CLEC16A: variants seen among roughly 807,000 people sequenced by gnomAD.
CLEC16A encodes C-type lectin domain containing 16A, also known as protein CLEC16A.
Under a neutral mutation model 109.5 loss-of-function variants are expected in CLEC16A, and 51 were observed. The ratio of observed to expected loss-of-function variants is 0.47; its 90% CI spans 0.37 to 0.59. The LOEUF (loss-of-function observed/expected upper bound fraction) is 0.59. Ranked by LOEUF, CLEC16A falls within the 20% of genes least tolerant of loss-of-function variation. The probability of loss-of-function intolerance (pLI) is 0.00; values close to 1 mark genes in which losing one functional copy is unlikely to be tolerated. For missense variants in CLEC16A, 1,339 were observed against 1,394.0 expected, an observed-to-expected ratio of 0.96 and a Z score of 0.63; for synonymous variants, 673 against 564.2, an observed-to-expected ratio of 1.19 and a Z score of -2.73.
At chr16:11,008,630 C>G (rs1408274060) in intron 11 of CLEC16A, among the ~76,000 whole-genome samples, 1 of 151,498 alleles carries the variant, frequency 6.6e-6, no homozygotes, top group Non-Finnish European at 1.5e-5. Flanking sequence ...TTTTTTTAAA[C>G]TTATGGTAAA....
At chr16:11,053,429 G>A (rs775307849) in intron 18 of CLEC16A, among the ~76,000 whole-genome samples, 137 of 151,376 alleles carry the variant, frequency 9.1e-4, no homozygotes, top group Non-Finnish European at 1.0e-3. Flanking sequence ...GTGCAGTGGT[G>A]CCATCTTGGC....
At chr16:11,026,065 A>G (rs774359351) in intron 13 of CLEC16A, among the ~76,000 whole-genome samples, 2 of 152,180 alleles carry the variant, frequency 1.3e-5, no homozygotes, top group Non-Finnish European at 2.9e-5. Context: ...TTTTTTATCA[A>G]TGTGTGAGCA....
At chr16:11,102,233 C>T (rs1420081595) in intron 19 of CLEC16A, among the ~76,000 whole-genome samples, 1 of 152,232 alleles carries the variant, frequency 6.6e-6, no homozygotes, top group African/African-American at 2.4e-5. Context: ...GTATTACACA[C>T]AGCTGTGCTG....
chr16:11,029,224 C>A (rs1441520125), intron 13 of CLEC16A, among the ~76,000 whole-genome samples: 1 of 152,150 alleles, frequency 6.6e-6, no homozygotes, highest in African/African-American at 2.4e-5. Context: ...CCTTCTGAGA[C>A]TCTACTGTGT....
At chr16:11,085,377 T>G (rs919848416) in intron 19 of CLEC16A, among the ~76,000 whole-genome samples, 13 of 152,226 alleles carry the variant, frequency 8.5e-5, no homozygotes, top group African/African-American at 3.1e-4. Context: ...TCAGGTTGAG[T>G]GCCCGTGGAG....
At chr16:11,002,972 T>C (rs2044756861) in intron 10 of CLEC16A, 102 bp from the exon 11 acceptor site, 5 of 837,856 alleles carry the variant, frequency 6.0e-6, no homozygotes, top group Non-Finnish European at 9.1e-6. Context: ...TGGTTTCTTT[T>C]GGAGATGAGT....
chr16:11,047,353 G>A lies in CLEC16A; in HGVS notation c.1866+11G>A, dbSNP rs760044550. 3 of 1,603,268 alleles carry A rather than the reference G, an allele frequency of 1.9e-6. No individual in the cohort carries two copies. Among genetic ancestry groups the A allele is most frequent in the South Asian group, 1.1e-5 (1 of 89,142 alleles). On this transcript the variant is annotated intron_variant, in intron 17 of 23. Transcript: ENST00000409790. ...TATAGGAGCATGACAGTAAGTGAGG[G>A]GCTGGGACACACTTGGGCTGGTGTG...
intron 19 of CLEC16A, among the ~76,000 whole-genome samples, chr16:11,091,387 T>G (rs544009251): frequency 1.2e-3 from 185 of 152,318 alleles, no homozygotes; most frequent in African/African-American, 4.1e-3. Context: ...CAGTGGCGCC[T>G]GAGAGGCAGC....
In CLEC16A at chr16:11,174,959, G is replaced by A. The variant is rs907824500; in HGVS notation, c.2807-3376G>A. 2.6e-5 allele frequency among the ~76,000 whole-genome samples: 4 copies of A among 152,226 alleles called. No individual in the cohort carries two copies. The highest frequency in any genetic ancestry group is 9.6e-5 in the African/African-American group (4 of 41,458). On this transcript the variant is annotated intron_variant, in intron 23 of 23. Transcript: ENST00000409790. The surrounding 1 kb of genome is among the most constrained non-coding windows in gnomAD (Gnocchi z 4.7). ...CCTCCCCTATGACGCTTCTTCTGTG[G>A]TTTCTGATGCGCTTTTCTCCATTGG... is the stretch of plus-strand genomic sequence containing the variant.
rs1296152293 is a variant in CLEC16A at position 11,061,041 on chromosome 16, G to A, written c.2116+19G>A. The A allele has an allele frequency of 2.5e-6, 4 of 1,593,866 alleles. No individual in the cohort carries two copies. Among genetic ancestry groups the A allele is most frequent in the Non-Finnish European group, 3.4e-6 (4 of 1,171,738 alleles). ...GATCTGAGTGAGTTGGCTGCTCTGAGTCACAGCAGGGGGCTGGGGGACATG... is the reference window on the plus strand; with the variant it reads ...GATCTGAGTGAGTTGGCTGCTCTGAATCACAGCAGGGGGCTGGGGGACATG... On this transcript the variant is annotated intron_variant, in intron 19 of 23. Coordinates refer to ENST00000409790, the MANE Select transcript of CLEC16A (RefSeq NM_015226.3).
chr16:11,167,297 A>G (rs934117541), intron 23 of CLEC16A, among the ~76,000 whole-genome samples: 15 of 152,170 alleles, frequency 9.9e-5, no homozygotes, highest in Non-Finnish European at 1.5e-5. Context: ...TCTGTGCCCC[A>G]GCAGCATCCC....
intron 19 of CLEC16A, among the ~76,000 whole-genome samples, chr16:11,119,558 T>C (rs2052249048): frequency 6.6e-6 from 1 of 152,068 alleles, no homozygotes; most frequent in Admixed American, 6.5e-5. Flanking sequence ...ACTCAACTAA[T>C]TTTTTGCATT....
At chr16:11,177,298 T>A (rs2068787777) in intron 23 of CLEC16A, among the ~76,000 whole-genome samples, 1 of 152,192 alleles carries the variant, frequency 6.6e-6, no homozygotes, top group African/African-American at 2.4e-5. Flanking sequence ...GGCCAGCATG[T>A]GTCTGTAGGA....
At chr16:11,086,546 T>A (rs1428358169) in intron 19 of CLEC16A, among the ~76,000 whole-genome samples, 2 of 151,952 alleles carry the variant, frequency 1.3e-5, no homozygotes, top group African/African-American at 2.4e-5. Context: ...TTTGTTTGTT[T>A]GTTTGTTTGT....
chr16:11,121,216 A>G (rs1395784222), intron 20 of CLEC16A, among the ~76,000 whole-genome samples: 1 of 152,232 alleles, frequency 6.6e-6, no homozygotes, highest in Admixed American at 6.5e-5. Flanking sequence ...CCACATTAGT[A>G]CACGCAGACT....
intron 11 of CLEC16A, among the ~76,000 whole-genome samples, chr16:11,013,624 G>T (rs2045569398): frequency 6.6e-6 from 1 of 152,150 alleles, no homozygotes; most frequent in Admixed American, 6.5e-5. Flanking sequence ...CAGGCATGGT[G>T]ATGTGTACCT....
intron 11 of CLEC16A, among the ~76,000 whole-genome samples, chr16:11,014,845 G>A (rs1897491733): frequency 6.6e-6 from 1 of 152,230 alleles, no homozygotes; most frequent in Middle Eastern, 3.2e-3. Flanking sequence ...GGGGCCCGGA[G>A]TGGCACAGAA....
rs983348549 is a variant in CLEC16A, at chr16:10,972,421, T to C, written c.599-133T>C. 19 of 743,674 alleles carry C rather than the reference T, an allele frequency of 2.6e-5. No homozygotes were observed. In the African/African-American group the frequency reaches 2.6e-4, roughly 10 times the overall value. The allele number at this position is 743,674 out of a possible 1,614,324, so 46.1% of individuals were successfully genotyped here. A position where few individuals can be genotyped will look rare whatever the true frequency, so the allele number is the denominator to read the frequency against. The stretch of plus-strand genomic sequence containing the variant: ...TCCTGTCTCCTTCTAACCTTATCTC[T>C]CTGTGCAGATGCCTCCCACCCTAGT... On this transcript the variant is annotated intron_variant, in intron 5 of 23. Transcript: ENST00000409790.
At chr16:10,987,140 G>A (rs1567546236) in intron 10 of CLEC16A, among the ~76,000 whole-genome samples, 1 of 151,796 alleles carries the variant, frequency 6.6e-6, no homozygotes, top group African/African-American at 2.4e-5. Flanking sequence ...ACAGGTGTGA[G>A]CCACTGCACC....
Sources: gnomAD v4.1 joint callset for allele counts (sites outside exome capture counted in the v4.1 genomes callset) on GRCh38, gnomAD v4.1.1 for gene constraint, Gnocchi (gnomAD v3.1) non-coding constraint, MANE v1.5 for transcripts, NCBI Gene and HGNC (gene_info 2026-07-23, HGNC 2026-07-21) for gene names.